PITPNA: variants seen among roughly 807,000 people sequenced by gnomAD.
PITPNA encodes phosphatidylinositol transfer protein alpha isoform.
A neutral mutation model predicts 50.3 loss-of-function variants in PITPNA; 13 were observed. The observed-to-expected ratio is 0.26, with a 90% CI of 0.17 to 0.41. The LOEUF is 0.41. PITPNA is among the 10% of genes least tolerant of loss of function. The pLI is 1.00. For synonymous variants in PITPNA, 120 were observed against 119.6 expected, an observed-to-expected ratio of 1.00 and a Z score of -0.02; for missense variants, 207 against 333.4, an observed-to-expected ratio of 0.62 and a Z score of 2.95.
chr17:1,529,366 T>C (rs986840317), intron 10 of PITPNA, among the ~76,000 whole-genome samples: 5 of 150,538 alleles, frequency 3.3e-5, no homozygotes, highest in African/African-American at 1.2e-4. Flanking sequence ...CTATTAAAAA[T>C]AGAAAATTAG....
intron 4 of PITPNA, among the ~76,000 whole-genome samples, chr17:1,545,274 G>A (rs1416810674): frequency 6.6e-6 from 1 of 152,214 alleles, no homozygotes; most frequent in Non-Finnish European, 1.5e-5. Context: ...TCAGAGAAAG[G>A]AAGAGCCTTC....
rs575153802 is a variant in PITPNA, at chr17:1,526,449, T to C, written c.769-4804A>G. ...GAGTGTACAGGAGTTCTTGGCACTG[T>C]TCTTGCCTATTTTCTGTTAAGTTTA... On this transcript the variant is annotated intron_variant, in intron 10 of 11. Coordinates refer to ENST00000313486, the MANE Select transcript of PITPNA (RefSeq NM_006224.4). Among the ~76,000 whole-genome samples, 6 of 152,370 alleles carry C rather than the reference T, an allele frequency of 3.9e-5. 1 individual carries two copies. In the East Asian group the frequency reaches 1.2e-3, roughly 29 times the overall value.
intron 2 of PITPNA, among the ~76,000 whole-genome samples, chr17:1,558,270 C>T (rs1234999383): frequency 1.3e-5 from 2 of 150,850 alleles, no homozygotes; most frequent in Non-Finnish European, 2.9e-5. Context: ...CATGCACAGC[C>T]CCAGCAGATA....
chr17:1,526,552 T>C (rs1028120618), intron 10 of PITPNA, among the ~76,000 whole-genome samples: 9 of 152,254 alleles, frequency 5.9e-5, no homozygotes, highest in African/African-American at 2.2e-4. Context: ...AATAATCAGA[T>C]AATTTAATAT....
At chr17:1,541,807 T>C (rs1289442631) in intron 5 of PITPNA, 167 bp from the exon 6 acceptor site, 2 of 703,486 alleles carry the variant, frequency 2.8e-6, no homozygotes, top group African/African-American at 1.8e-5. Context: ...ACACTAGGCA[T>C]GTATTATCCC....
At chr17:1,545,407 C>T (rs2075667975) in intron 4 of PITPNA, among the ~76,000 whole-genome samples, 1 of 152,226 alleles carries the variant, frequency 6.6e-6, no homozygotes. Context: ...CCAGAGGGAA[C>T]TGGAAAGTAG....
intron 4 of PITPNA, among the ~76,000 whole-genome samples, chr17:1,548,090 G>C (rs1478101440): frequency 2.0e-5 from 3 of 152,250 alleles, no homozygotes; most frequent in Non-Finnish European, 2.9e-5. Context: ...CCAAGTGAGA[G>C]ACTGGCTCTG....
chr17:1,517,988 G>A lies in PITPNA; in HGVS notation c.*2573C>T, dbSNP rs1187769150. ...ACATCACCAAACTGGACTCCAGAAA[G>A]TTCTGTCTAGGATTTTATTAGACTG... On this transcript the variant is annotated 3_prime_UTR_variant, in exon 12 of 12. Transcript: ENST00000313486. 2.6e-5 allele frequency: 4 copies of A among 152,594 alleles called. No individual in the cohort carries two copies. Among genetic ancestry groups the A allele is most frequent in the Non-Finnish European group, 5.9e-5 (4 of 68,034 alleles). 9.5% of individuals were successfully genotyped at this position (152,594 alleles called of 1,614,324 possible).
intron 4 of PITPNA, among the ~76,000 whole-genome samples, chr17:1,547,975 C>T (rs574403814): frequency 5.8e-4 from 88 of 152,274 alleles, no homozygotes; most frequent in African/African-American, 1.9e-3. Context: ...GTCTGGGCAA[C>T]AGAGCGAGAC....
chr17:1,530,874 G>A (rs1349139670), intron 10 of PITPNA, among the ~76,000 whole-genome samples: 4 of 152,184 alleles, frequency 2.6e-5, no homozygotes, highest in Admixed American at 2.6e-4. Flanking sequence ...GAGCGGAGAA[G>A]GAGCTGCAGG....
intron 3 of PITPNA, among the ~76,000 whole-genome samples, chr17:1,550,673 T>A (rs2062993310): frequency 6.6e-6 from 1 of 151,990 alleles, no homozygotes; most frequent in Admixed American, 6.6e-5. Flanking sequence ...GGACTACAGG[T>A]GCACACCACT....
At position 1,520,197 on chromosome 17, in the gene PITPNA, C is replaced by T. The variant is rs2075501333; in HGVS notation, c.*364G>A. On this transcript the variant is annotated 3_prime_UTR_variant, in exon 12 of 12. Coordinates refer to ENST00000313486, the MANE Select transcript of PITPNA (RefSeq NM_006224.4). ...TGAACTTAAATCATTTAAATCACCA[C>T]ATCACAAAAGGCAGCTATTTGAAAG... The T allele has an allele frequency of 1.3e-5, 2 of 152,300 alleles. No individual in the cohort carries two copies. Among genetic ancestry groups the T allele is most frequent in the South Asian group, 4.1e-4 (2 of 4,834 alleles). The allele number at this position is 152,300 out of a possible 1,614,324, so 9.4% of individuals were successfully genotyped here.
chr17:1,535,074 C>T, intron 9 of PITPNA, 108 bp downstream of exon 9: 1 of 682,850 alleles, frequency 1.5e-6, no homozygotes, highest in Middle Eastern at 2.6e-4. Flanking sequence ...CACACGCAGT[C>T]ACTGGGAAGG....
chr17:1,522,942 G>A (rs554285165), intron 10 of PITPNA, among the ~76,000 whole-genome samples: 3 of 152,258 alleles, frequency 2.0e-5, no homozygotes, highest in African/African-American at 4.8e-5. Flanking sequence ...GTGGCTCTCC[G>A]GGAGAGGAGT....
At chr17:1,522,071 C>CTTTTCTTTTTT (rs751204255) in intron 10 of PITPNA, among the ~76,000 whole-genome samples, 12 of 141,608 alleles carry the variant, frequency 8.5e-5, no homozygotes, top group South Asian at 2.2e-4. Flanking sequence ...TATGAAACAT[C>CTTTTCTTTTTT]TTTTTTTTTT....
chr17:1,544,102 C>G (rs1296588846), intron 4 of PITPNA, among the ~76,000 whole-genome samples: 1 of 152,224 alleles, frequency 6.6e-6, no homozygotes, highest in African/African-American at 2.4e-5. Flanking sequence ...CAACTAAGCA[C>G]CTTTTTTGAA....
intron 2 of PITPNA, among the ~76,000 whole-genome samples, chr17:1,554,756 C>T (rs1037728268): frequency 1.3e-5 from 2 of 152,090 alleles, no homozygotes; most frequent in Non-Finnish European, 2.9e-5. Flanking sequence ...ATTCACTGCT[C>T]ACCACAAGGC....
intron 7 of PITPNA, 137 bp downstream of exon 7, chr17:1,538,728 TACTC>T: frequency 3.4e-6 from 2 of 584,010 alleles, no homozygotes; most frequent in Non-Finnish European, 6.1e-6. Context: ...AATCTCCTAA[TACTC>T]ACTTTTAAAA....
chr17:1,527,535 C>T (rs550241554), intron 10 of PITPNA, among the ~76,000 whole-genome samples: 2 of 152,180 alleles, frequency 1.3e-5, no homozygotes, highest in African/African-American at 4.8e-5. Flanking sequence ...AGCCACCGTG[C>T]CCAGCCCTGG....
Sources: gnomAD v4.1 joint callset for allele counts (sites outside exome capture counted in the v4.1 genomes callset) on GRCh38, gnomAD v4.1.1 for gene constraint, MANE v1.5 for transcripts, NCBI Gene and HGNC (gene_info 2026-07-23, HGNC 2026-07-21) for gene names.